FRAS1: variants seen among roughly 807,000 people sequenced by gnomAD.
The protein encoded by FRAS1 is Fraser extracellular matrix complex subunit 1.
In FRAS1, 290 loss-of-function variants were observed where a neutral mutation model predicts 435.2. That is an observed-to-expected ratio of 0.67 (90% CI 0.61 to 0.73). The LOEUF is 0.73. Ranked by LOEUF, FRAS1 falls within the 30% of genes least tolerant of loss-of-function variation. FRAS1 has a pLI of 0.00. For synonymous variants in FRAS1, 1,800 were observed against 1,851.0 expected, an observed-to-expected ratio of 0.97 and a Z score of 0.71; for missense variants, 4,860 against 5,001.5, an observed-to-expected ratio of 0.97 and a Z score of 0.85.
Position 78,519,388 on chromosome 4 carries a change from A to G in FRAS1, c.10447A>G (p.Ile3483Val), listed in dbSNP as rs767353861. Residue 3483 changes from isoleucine (I) to valine (V), a missense_variant, in exon 67 of 74, where the codon ATC becomes GTC. Transcript: ENST00000512123. The stretch of plus-strand genomic sequence containing the variant: ...GCACGTGCCTCTATATGTGTCCTAC[A>G]TCTATGTGACAGCCCCCAGGGGCTG... ...TVHVPLYVSY[I>V]YVTAPRGWAS... is the part of the protein sequence containing the mutation. 62 of 1,609,084 alleles carry G rather than the reference A, an allele frequency of 3.9e-5. No homozygotes were observed. The highest frequency in any genetic ancestry group is 5.1e-5 in the Admixed American group (3 of 58,700).
intron 24 of FRAS1, 150 bp downstream of exon 24, chr4:78,373,008 G>A: frequency 1.1e-6 from 1 of 906,934 alleles, no homozygotes; most frequent in Non-Finnish European, 1.6e-6. Context: ...TTGTTATCAT[G>A]AAAATTTCCC....
chr4:78,302,019 AACAGT>A (rs1360713840), intron 14 of FRAS1, among the ~76,000 whole-genome samples: 4 of 143,552 alleles, frequency 2.8e-5, no homozygotes, highest in Non-Finnish European at 6.0e-5. Context: ...CCCACCCCAC[AACAGT>A]CACCAGAGTG....
intron 2 of FRAS1, among the ~76,000 whole-genome samples, chr4:78,115,008 A>G (rs866864665): frequency 2.0e-5 from 3 of 152,084 alleles, no homozygotes; most frequent in Admixed American, 6.6e-5. Context: ...CGTCCCATCA[A>G]TACCTAATTT....
chr4:78,234,361 GACT>G (rs1724650133), intron 2 of FRAS1, among the ~76,000 whole-genome samples: 1 of 151,816 alleles, frequency 6.6e-6, no homozygotes, highest in Non-Finnish European at 1.5e-5. Context: ...GAGTAGCTGG[GACT>G]ACAGGCACCC....
intron 6 of FRAS1, among the ~76,000 whole-genome samples, chr4:78,258,775 A>G (rs34321445): frequency 0.28 from 40,095 of 145,094 alleles, 6,318 homozygotes; most frequent in East Asian, 0.37. Flanking sequence ...TTACATATGT[A>G]TACATGTGCC....
intron 2 of FRAS1, among the ~76,000 whole-genome samples, chr4:78,096,412 G>A (rs1475512182): frequency 6.6e-6 from 1 of 152,188 alleles, no homozygotes; most frequent in Non-Finnish European, 1.5e-5. Context: ...TCCACTAGAA[G>A]GTACCCCAGT....
intron 2 of FRAS1, among the ~76,000 whole-genome samples, chr4:78,197,079 A>T (rs1468607715): frequency 6.6e-6 from 1 of 152,184 alleles, no homozygotes; most frequent in East Asian, 1.9e-4. Flanking sequence ...CATTTGTAAA[A>T]ATTCCTTTCA....
chr4:78,153,206 A>C, intron 2 of FRAS1, among the ~76,000 whole-genome samples: 1 of 151,018 alleles, frequency 6.6e-6, no homozygotes, highest in African/African-American at 2.4e-5. Flanking sequence ...CATTCCCCCC[A>C]CCCCTCACCC....
At chr4:78,339,975 ACT>A (rs1730337166) in intron 20 of FRAS1, among the ~76,000 whole-genome samples, 1 of 152,156 alleles carries the variant, frequency 6.6e-6, no homozygotes, top group African/African-American at 2.4e-5. Flanking sequence ...TTAAAATGTA[ACT>A]CTGAATGTGG....
chr4:78,289,882 G>A (rs1304081214), intron 14 of FRAS1, among the ~76,000 whole-genome samples: 1 of 152,060 alleles, frequency 6.6e-6, no homozygotes, highest in South Asian at 2.1e-4. Flanking sequence ...TGTCTCTTTG[G>A]TATCACTTGC....
At position 78,326,638 on chromosome 4, in the gene FRAS1, AT is replaced by A. The variant is rs529585110; in HGVS notation, c.2138-6632del. 7.1e-4 allele frequency among the ~76,000 whole-genome samples: 108 copies of A among 152,362 alleles called. 1 individual carries two copies. The highest frequency in any genetic ancestry group is 2.5e-3 in the African/African-American group (105 of 41,592). ...TAGATTTATGTGATCAGAGTTCAGGATTAAAGGCCAAAGCTGTACACATAAA... is the reference window on the plus strand; with the variant it reads ...TAGATTTATGTGATCAGAGTTCAGGATAAAGGCCAAAGCTGTACACATAAA... On this transcript the variant is annotated intron_variant, in intron 18 of 73. Coordinates refer to ENST00000512123, the MANE Select transcript of FRAS1 (RefSeq NM_025074.7).
At chr4:78,513,045 T>C (rs1262748397) in intron 64 of FRAS1, among the ~76,000 whole-genome samples, 1 of 152,244 alleles carries the variant, frequency 6.6e-6, no homozygotes, top group East Asian at 1.9e-4. Flanking sequence ...AGGCCCTCTC[T>C]AGTCACTCAG....
chr4:78,333,453 GT>G, intron 19 of FRAS1, 41 bp downstream of exon 19: 1 of 1,589,578 alleles, frequency 6.3e-7, no homozygotes, highest in Non-Finnish European at 8.6e-7. Flanking sequence ...CTATGACCAT[GT>G]TTTGTCTTCA....
At chr4:78,147,866 C>T (rs908534752) in intron 2 of FRAS1, among the ~76,000 whole-genome samples, 2 of 152,134 alleles carry the variant, frequency 1.3e-5, no homozygotes, top group African/African-American at 4.8e-5. Context: ...TTAGTTGGAA[C>T]ATTTGTGCTC....
At chr4:78,222,707 C>T (rs187668956) in intron 2 of FRAS1, among the ~76,000 whole-genome samples, 6 of 152,274 alleles carry the variant, frequency 3.9e-5, no homozygotes, top group African/African-American at 4.8e-5. Context: ...TCTTTTGTTG[C>T]GGTGGGTCTC....
chr4:78,362,353 T>C (rs959173913), intron 20 of FRAS1, among the ~76,000 whole-genome samples: 1 of 152,240 alleles, frequency 6.6e-6, no homozygotes, highest in East Asian at 1.9e-4. Flanking sequence ...TGATGCAGGA[T>C]TTTTCTCAGC....
At chr4:78,253,044 G>C (rs111974943) in intron 5 of FRAS1, among the ~76,000 whole-genome samples, 1,526 of 152,282 alleles carry the variant, frequency 0.01, 15 homozygotes, top group African/African-American at 0.035. Flanking sequence ...CAGGAGACCA[G>C]GGTGTATTTC....
intron 2 of FRAS1, among the ~76,000 whole-genome samples, chr4:78,137,602 G>C (rs1260484598): frequency 6.6e-6 from 1 of 152,256 alleles, no homozygotes; most frequent in African/African-American, 2.4e-5. Flanking sequence ...GTCTGGGGAG[G>C]CTGGATTGAG....
intron 9 of FRAS1, among the ~76,000 whole-genome samples, chr4:78,274,049 G>A (rs1307649056): frequency 1.3e-5 from 2 of 152,168 alleles, no homozygotes; most frequent in African/African-American, 4.8e-5. Context: ...TTGGGAGGGT[G>A]TATGTGTCCA....
Sources: allele counts gnomAD v4.1 joint callset (sites outside exome capture counted in the v4.1 genomes callset), GRCh38; gene constraint gnomAD v4.1.1; transcripts MANE v1.5; gene names NCBI Gene and HGNC (gene_info 2026-07-23, HGNC 2026-07-21).